SYNJ2: variants seen among roughly 807,000 people sequenced by gnomAD.
The protein encoded by SYNJ2 is synaptojanin 2.
In SYNJ2, 116 loss-of-function variants were observed where a neutral mutation model predicts 141.3. That is an observed-to-expected ratio of 0.82 (90% confidence interval 0.71 to 0.96). The LOEUF (loss-of-function observed/expected upper bound fraction) is 0.96. Ranked by LOEUF, SYNJ2 falls within the 40% of genes least tolerant of loss-of-function variation. The probability of loss-of-function intolerance (pLI) is 0.00; values close to 1 mark genes in which losing one functional copy is unlikely to be tolerated. For missense variants in SYNJ2, 1,873 were observed against 1,934.8 expected (o/e 0.97, Z 0.60); for synonymous variants, 745 against 777.7 (o/e 0.96, Z 0.70).
intron 7 of SYNJ2, 72 bp downstream of exon 7, chr6:158,059,425 G>T (rs1274782886): frequency 6.5e-7 from 1 of 1,537,814 alleles, no homozygotes; most frequent in South Asian, 1.2e-5. Context: ...GAGCCTGGAG[G>T]TGGCTCCTGC....
rs1164779941 is a variant in SYNJ2 at position 158,081,191 on chromosome 6, T to G, written c.2650T>G (p.Phe884Val). Reference protein sequence around the residue: ...RERVFQEVSSFQGPLDATVVV... With the variant: ...RERVFQEVSSVQGPLDATVVV... The stretch of plus-strand genomic sequence containing the variant: ...GAGGGTTTTCCAGGAAGTGTCCTCC[T>G]TCCAGGGCCCCCTGGATGCCACTGT... Residue 884 changes from phenylalanine to valine, a missense_variant, in exon 19 of 27, where the codon TTC becomes GTC. By Grantham distance (50) the Phe-to-Val change is conservative (BLOSUM62 -1). Transcript: ENST00000355585. 1 of 1,614,138 alleles carries G rather than the reference T, an allele frequency of 6.2e-7. No individual in the cohort carries two copies. Among genetic ancestry groups the G allele is most frequent in the Admixed American group, 1.7e-5 (1 of 60,008 alleles).
At chr6:158,068,836 T>C (rs1244319870) in intron 13 of SYNJ2, 108 bp downstream of exon 13, 2 of 1,196,844 alleles carry the variant, frequency 1.7e-6, no homozygotes, top group South Asian at 1.3e-5. Flanking sequence ...CTGAGCCAGC[T>C]AAGCTGTGGC....
chr6:157,996,517 ACTTG>A lies in SYNJ2; in HGVS notation c.127+14430_127+14433del, dbSNP rs1269136321. ...TGGGCTCACTGCATTCAGCAGCCTGACTTGTTCCTGCTCAGAATCTTCACACCCA... is the reference window on the plus strand; with the variant it reads ...TGGGCTCACTGCATTCAGCAGCCTGATTCCTGCTCAGAATCTTCACACCCA... On this transcript the variant is annotated intron_variant, in intron 1 of 26. Transcript: ENST00000355585. Among the ~76,000 whole-genome samples, 4 of 151,968 alleles carry A rather than the reference ACTTG, an allele frequency of 2.6e-5. No individual in the cohort carries two copies. The East Asian group carries it at 7.7e-4, about 29-fold the overall frequency.
intron 1 of SYNJ2, among the ~76,000 whole-genome samples, chr6:158,015,769 A>G (rs9365726): frequency 0.67 from 101,644 of 152,118 alleles, 34,325 homozygotes; most frequent in Middle Eastern, 0.78. Flanking sequence ...TTGCTATACT[A>G]TAACATTTTT....
At chr6:158,014,378 C>A (rs1210073515) in intron 1 of SYNJ2, among the ~76,000 whole-genome samples, 2 of 152,210 alleles carry the variant, frequency 1.3e-5, no homozygotes, top group Non-Finnish European at 2.9e-5. Flanking sequence ...TAGAAAAACA[C>A]ATAAAACAAG....
intron 4 of SYNJ2, among the ~76,000 whole-genome samples, chr6:158,039,059 G>A (rs549748348): frequency 2.0e-5 from 3 of 152,378 alleles, no homozygotes; most frequent in Admixed American, 1.3e-4. Flanking sequence ...GGCAGCAGGA[G>A]CAGAGATGGC....
chr6:158,066,313 GGAGCATACCCTGGTTTATCTCTA>G, intron 11 of SYNJ2, 108 bp from the exon 12 acceptor site: 4 of 1,018,122 alleles, frequency 3.9e-6, no homozygotes, highest in Non-Finnish European at 4.3e-6. Context: ...GTCTTCGTAA[GGAGCATACCCTGGTTTATCTCTA>G]GAGGCTCATG....
chr6:158,078,554 G>T, intron 18 of SYNJ2: 1 of 251,802 alleles, frequency 4.0e-6, no homozygotes. Context: ...GTATTTTGCG[G>T]CTTTTATATT....
In SYNJ2 at chr6:158,059,536, C is replaced by T. The variant is rs148155727; in HGVS notation, c.954+183C>T. 4.4e-6 allele frequency: 6 copies of T among 1,373,248 alleles called. No homozygotes were observed. The South Asian group carries it at 8.4e-5, about 19-fold the overall frequency. The allele number at this position is 1,373,248 out of a possible 1,614,324, so 85.1% of individuals were successfully genotyped here. ...GTGCTCAGTGACTCGGGCCCTGATACAGTGAGTGTAATTTCTTTTCTTTTT... is the reference window on the plus strand; with the variant it reads ...GTGCTCAGTGACTCGGGCCCTGATATAGTGAGTGTAATTTCTTTTCTTTTT... On this transcript the variant is annotated intron_variant, in intron 7 of 26. Transcript: ENST00000355585.
chr6:158,000,064 CTTTTTTTTTTT>C lies in SYNJ2; in HGVS notation c.128-17111_128-17101del, dbSNP rs58284240. On this transcript the variant is annotated intron_variant, in intron 1 of 26. Coordinates refer to ENST00000355585, the MANE Select transcript of SYNJ2 (RefSeq NM_003898.4). ...GCCAGGTTCTCACCAAGCCAAAAGG[CTTTTTTTTTTT>C]TTTTTTTTTTTTTTTTTTTTTTTTT... Among the ~76,000 whole-genome samples the C allele has an allele frequency of 7.1e-3, 607 of 85,258 alleles. 3 individuals are homozygous for C. Among genetic ancestry groups the C allele is most frequent in the Non-Finnish European group, 8.1e-3 (330 of 40,680 alleles). The allele number at this position is 85,258 out of a possible 152,430, so 55.9% of individuals were successfully genotyped here.
intron 6 of SYNJ2, among the ~76,000 whole-genome samples, chr6:158,057,114 G>T (rs1780915020): frequency 6.6e-6 from 1 of 152,002 alleles, no homozygotes; most frequent in Non-Finnish European, 1.5e-5. Flanking sequence ...CTGAACTCTT[G>T]GTCCCTCCCT....
At chr6:157,997,246 A>G (rs12197288) in intron 1 of SYNJ2, among the ~76,000 whole-genome samples, 9,097 of 152,244 alleles carry the variant, frequency 0.06, 496 homozygotes, top group East Asian at 0.22. Context: ...CCCCAGAAAA[A>G]TACATTGCTG....
rs973509230 is a variant in SYNJ2, at chr6:158,028,741, T to C, written c.215-15T>C. 1.9e-6 allele frequency: 3 copies of C among 1,612,706 alleles called. No homozygotes were observed. The highest frequency in any genetic ancestry group is 4.5e-5 in the East Asian group (2 of 44,866). On this transcript the variant is annotated splice_polypyrimidine_tract_variant and intron_variant, in intron 2 of 26. Transcript: ENST00000355585. ...GACTTCGACCCTGAGCTCTCCTGTC[T>C]GATTTCCTTTCCAGGTGGCACGTCT...
intron 6 of SYNJ2, among the ~76,000 whole-genome samples, chr6:158,058,322 T>C (rs1248193052): frequency 1.3e-5 from 2 of 152,248 alleles, no homozygotes; most frequent in African/African-American, 4.8e-5. Flanking sequence ...TTTAAGGCAC[T>C]ACATTTCAAC....
At chr6:158,028,098 C>G (rs1008152645) in intron 2 of SYNJ2, 1 of 153,344 alleles carries the variant, frequency 6.5e-6, no homozygotes, top group African/African-American at 2.4e-5. Flanking sequence ...ATTGGACCAG[C>G]TGGAGGACAG....
At position 158,064,843 on chromosome 6, in the gene SYNJ2, T is replaced by C. The variant is rs774641577; in HGVS notation, c.1377T>C (p.Asp459=). Reference sequence around the variant, plus strand: ...CTCGGCAGGTGGGGAAGCTGAAGGATGGAGCCCGGTCCATGTCTCGAACCA... The same window carrying C: ...CTCGGCAGGTGGGGAAGCTGAAGGACGGAGCCCGGTCCATGTCTCGAACCA... The part of the protein sequence containing the change: ...EGKAKVGKLK[D]GARSMSRTIQ... Residue 459 remains aspartate, a synonymous_variant, in exon 11 of 27, where the codon GAT becomes GAC. Coordinates refer to ENST00000355585, the MANE Select transcript of SYNJ2 (RefSeq NM_003898.4). The C allele has an allele frequency of 4.2e-5, 68 of 1,609,626 alleles. No individual in the cohort carries two copies. The highest frequency in any genetic ancestry group is 5.4e-5 in the Non-Finnish European group (63 of 1,177,002).
intron 1 of SYNJ2, among the ~76,000 whole-genome samples, chr6:158,014,355 G>A (rs545372276): frequency 2.6e-5 from 4 of 152,306 alleles, no homozygotes; most frequent in South Asian, 2.1e-4. Context: ...TATTCAGTAA[G>A]GTGTCTTTTA....
At chr6:158,087,853 A>C in intron 23 of SYNJ2, among the ~76,000 whole-genome samples, 1 of 148,010 alleles carries the variant, frequency 6.8e-6, no homozygotes, top group East Asian at 1.9e-4. Flanking sequence ...TTCCAGTTTC[A>C]TGTATCTGCA....
At chr6:158,047,675 G>T (rs1780313755) in intron 5 of SYNJ2, among the ~76,000 whole-genome samples, 1 of 149,882 alleles carries the variant, frequency 6.7e-6, no homozygotes, top group Non-Finnish European at 1.5e-5. Flanking sequence ...TATTCAGGAG[G>T]CTGAGGCAGG....
Sources: allele counts gnomAD v4.1 joint callset (sites outside exome capture counted in the v4.1 genomes callset), GRCh38; gene constraint gnomAD v4.1.1; transcripts MANE v1.5; gene names NCBI Gene and HGNC (gene_info 2026-07-23, HGNC 2026-07-21).